Variants in RIF1 observed in about 807,000 individuals in gnomAD.
RIF1 encodes replication timing regulatory factor 1, also known as telomere-associated protein RIF1.
In RIF1, 45 loss-of-function variants were observed where a neutral mutation model predicts 247.1. That is an observed-to-expected ratio of 0.18 (90% CI 0.14 to 0.23). RIF1 has a LOEUF of 0.23. Among genes scored for constraint, RIF1 ranks in the 10% least tolerant of loss-of-function variants. RIF1 has a pLI of 1.00. For missense variants in RIF1, 2,967 were observed against 2,862.5 expected (o/e 1.04, Z -0.83); for synonymous variants, 1,087 against 978.8 (o/e 1.11, Z -2.06).
intron 8 of RIF1, among the ~76,000 whole-genome samples, chr2:151,426,069 T>C (rs1384915844): frequency 6.6e-6 from 1 of 151,972 alleles, no homozygotes. Context: ...ATGGCTGTCC[T>C]TATGCCATTA....
At chr2:151,437,776 T>C (rs1380382048) in intron 13 of RIF1, among the ~76,000 whole-genome samples, 1 of 152,216 alleles carries the variant, frequency 6.6e-6, no homozygotes, top group Non-Finnish European at 1.5e-5. Context: ...TTTACATTTA[T>C]TCATTTAATT....
chr2:151,525,217 CATG>C, the RIF1 span: 2 of 1,613,982 alleles, frequency 1.2e-6, no homozygotes, highest in Non-Finnish European at 1.7e-6. Flanking sequence ...GTGGCTCCAG[CATG>C]ATGGAGTAGT....
chr2:151,464,902 G>A lies in RIF1; in HGVS notation c.5382G>A (p.Val1794=), dbSNP rs1426226080. 1 of 1,580,918 alleles carries A rather than the reference G, an allele frequency of 6.3e-7. No individual in the cohort carries two copies. The highest frequency in any genetic ancestry group is 2.2e-5 in the East Asian group (1 of 44,732). The change falls in exon 30 of 36, where the codon GTG becomes GTA. Residue 1794 remains valine (V), a synonymous_variant. Coordinates refer to ENST00000444746, the MANE Select transcript of RIF1 (RefSeq NM_018151.5). ...AATTTTTAGATGAACATCATAGTGT[G>A]AATTTTCATTTGGGTCTCAAAGAGG... ...EGQFLDEHHS[V]NFHLGLKEDN...
downstream of RIF1, chr2:151,512,858 G>A: frequency 9.1e-6 from 14 of 1,532,606 alleles, no homozygotes; most frequent in Non-Finnish European, 1.3e-5. Context: ...ACACCGAATA[G>A]TTGGGTAAAT....
the RIF1 span, chr2:151,513,507 A>C: frequency 1.9e-6 from 2 of 1,076,368 alleles, no homozygotes; most frequent in Non-Finnish European, 2.7e-6. Flanking sequence ...AAATCAGATG[A>C]CAGAGGGACA....
intron 8 of RIF1, among the ~76,000 whole-genome samples, chr2:151,427,436 C>T (rs1689297201): frequency 6.6e-6 from 1 of 151,560 alleles, no homozygotes; most frequent in African/African-American, 2.4e-5. Flanking sequence ...GTCTCGAACT[C>T]CTGACCTTAG....
At chr2:151,512,019 C>CTTTTTTTTTTTTTT (rs71403173), downstream of RIF1, among the ~76,000 whole-genome samples, 2 of 93,586 alleles carry the variant, frequency 2.1e-5, no homozygotes, top group South Asian at 3.7e-4. Context: ...CCCTCTCACT[C>CTTTTTTTTTTTTTT]TTTTTTTTTT....
At chr2:151,516,476 G>T in the RIF1 span, 1 of 1,612,068 alleles carries the variant, frequency 6.2e-7, no homozygotes, top group Non-Finnish European at 8.5e-7. Flanking sequence ...TGCATCTGCT[G>T]AGACTCTTTG....
At chr2:151,514,182 G>T in the RIF1 span, 1 of 656,790 alleles carries the variant, frequency 1.5e-6, no homozygotes, top group Non-Finnish European at 2.7e-6. Flanking sequence ...TAACAATTAT[G>T]TTGATATGGA....
the RIF1 span, chr2:151,514,462 A>G: frequency 1.4e-6 from 2 of 1,458,986 alleles, no homozygotes; most frequent in Admixed American, 3.3e-5. Context: ...AACATTGACA[A>G]GAAAGCCCAG....
At chr2:151,514,769 G>C in the RIF1 span, 6 of 1,253,284 alleles carry the variant, frequency 4.8e-6, no homozygotes, top group South Asian at 8.0e-5. Flanking sequence ...AGTGTCACTA[G>C]TGCAATTATT....
In RIF1 at chr2:151,465,484, T is replaced by C; in HGVS notation, c.5964T>C (p.Thr1988=). 5 of 1,614,004 alleles carry C rather than the reference T, an allele frequency of 3.1e-6. No individual in the cohort carries two copies. Among genetic ancestry groups the C allele is most frequent in the Non-Finnish European group, 4.2e-6 (5 of 1,179,980 alleles). The change falls in exon 30 of 36, where the codon ACT becomes ACC. Residue 1988 remains threonine, a synonymous_variant. Transcript: ENST00000444746. ...CACCTGTAAAATTGAATGCTCAAAC[T>C]GAGATTTCTGAACAAACAGCAGCTG... ...NTTPVKLNAQ[T]EISEQTAAGE...
intron 21 of RIF1, among the ~76,000 whole-genome samples, chr2:151,453,440 G>A (rs1173715327): frequency 6.6e-6 from 1 of 152,036 alleles, no homozygotes; most frequent in Non-Finnish European, 1.5e-5. Flanking sequence ...AGCAAGCCAT[G>A]GTGGTGCGCG....
At chr2:151,491,628 C>T in intron 9 of RIF1, 1 of 1,375,590 alleles carries the variant, frequency 7.3e-7, no homozygotes, top group Non-Finnish European at 1.0e-6. Flanking sequence ...AAGTCATTGA[C>T]TCTAGCATAC....
Position 151,432,940 on chromosome 2 carries a change from A to G in RIF1, c.926-137A>G, listed in dbSNP as rs1162041628. 3 of 597,726 alleles carry G rather than the reference A, an allele frequency of 5.0e-6. No homozygotes were observed. In the African/African-American group the frequency reaches 5.5e-5, roughly 11 times the overall value. 37.0% of individuals were successfully genotyped at this position (597,726 alleles called of 1,614,324 possible). A position where few individuals can be genotyped will look rare whatever the true frequency, so the allele number is the denominator to read the frequency against. On this transcript the variant is annotated intron_variant, in intron 9 of 35. Coordinates refer to ENST00000444746, the MANE Select transcript of RIF1 (RefSeq NM_018151.5). ...AATGCAAGTTTTGGGTAGAGCAAGG[A>G]CAGCCTGGGGATTTATTTTTTTAAA...
chr2:151,417,762 A>G (rs890420853), intron 6 of RIF1, among the ~76,000 whole-genome samples: 1 of 152,180 alleles, frequency 6.6e-6, no homozygotes, highest in South Asian at 2.1e-4. Context: ...TAATGATGGG[A>G]ATACATTCTG....
intron 11 of RIF1, among the ~76,000 whole-genome samples, chr2:151,500,754 C>A (rs79487307): frequency 6.6e-6 from 1 of 151,930 alleles, no homozygotes; most frequent in Non-Finnish European, 1.5e-5. Context: ...TGTGCCACCA[C>A]GCTTGGCTAA....
chr2:151,493,730 A>C (rs1303702556), intron 9 of RIF1: 2 of 1,367,088 alleles, frequency 1.5e-6, no homozygotes, highest in Non-Finnish European at 2.0e-6. Flanking sequence ...CATGTTTGCC[A>C]GGGCTGTTAA....
rs545440285 is a variant in RIF1, at chr2:151,446,340, A to T, written c.2095-86A>T. ...ACACACTAAATGTTGCAGTGTTTTT[A>T]AAAAATGTTAAAGATGTATTGATTC... On this transcript the variant is annotated intron_variant, in intron 19 of 35. Transcript: ENST00000444746. 6.9e-4 allele frequency: 855 copies of T among 1,232,926 alleles called. 7 individuals carry two copies. The highest frequency in any genetic ancestry group is 6.1e-3 in the Middle Eastern group (28 of 4,574). 76.4% of individuals were successfully genotyped at this position (1,232,926 alleles called of 1,614,324 possible). A position where few individuals can be genotyped will look rare whatever the true frequency, so the allele number is the denominator to read the frequency against.
Sources: gnomAD v4.1 joint callset for allele counts (sites outside exome capture counted in the v4.1 genomes callset) on GRCh38, gnomAD v4.1.1 for gene constraint, MANE v1.5 for transcripts, NCBI Gene and HGNC (gene_info 2026-07-23, HGNC 2026-07-21) for gene names.